The following NKAIN3 variants were observed in gnomAD, a reference collection of about 807,000 sequenced individuals.
NKAIN3 encodes the protein sodium/potassium transporting ATPase interacting 3, also known as sodium/potassium-transporting ATPase subunit beta-1-interacting protein 3.
Under a neutral mutation model 30.2 loss-of-function variants are expected in NKAIN3, and 25 were observed. The ratio of observed to expected loss-of-function variants is 0.83; its 90% CI spans 0.60 to 1.16. The LOEUF is 1.16. NKAIN3 is among the 50% of genes most tolerant of loss of function. The pLI is 0.00. For missense variants in NKAIN3, 225 were observed against 254.1 expected (o/e 0.89, Z 0.78); for synonymous variants, 91 against 89.6 (o/e 1.02, Z -0.09).
At chr8:62,928,632 G>A (rs763504384) in intron 5 of NKAIN3, among the ~76,000 whole-genome samples, 2 of 152,146 alleles carry the variant, frequency 1.3e-5, no homozygotes, top group Non-Finnish European at 2.9e-5. Flanking sequence ...TATTCTAGAC[G>A]AGGGTTCCAG....
intron 1 of NKAIN3, among the ~76,000 whole-genome samples, chr8:62,517,417 A>G (rs1808024261): frequency 1.3e-5 from 2 of 152,162 alleles, no homozygotes; most frequent in South Asian, 4.1e-4. Context: ...ATACAAGTGC[A>G]TGGAATCTTC....
Position 62,919,477 on chromosome 8 carries a change from C to A in NKAIN3, c.532+964C>A, listed in dbSNP as rs537478225. Reference sequence around the variant, plus strand: ...AGCCAGGATGGTCTCGATCTCCTGACCTCGTGATCCACCCGCCTCGGCCTC... The same window carrying A: ...AGCCAGGATGGTCTCGATCTCCTGAACTCGTGATCCACCCGCCTCGGCCTC... On this transcript the variant is annotated intron_variant, in intron 5 of 6. Transcript: ENST00000623646. Among the ~76,000 whole-genome samples the A allele has an allele frequency of 3.9e-5, 6 of 151,938 alleles. No individual in the cohort carries two copies. In the East Asian group the frequency reaches 1.2e-3, roughly 29 times the overall value.
intron 1 of NKAIN3, among the ~76,000 whole-genome samples, chr8:62,554,655 G>T (rs548810032): frequency 6.6e-6 from 1 of 152,006 alleles, no homozygotes; most frequent in Non-Finnish European, 1.5e-5. Flanking sequence ...AAGGCATCAG[G>T]CAAACAGAGA....
intron 1 of NKAIN3, among the ~76,000 whole-genome samples, chr8:62,354,760 G>A (rs1025271606): frequency 2.6e-5 from 4 of 152,034 alleles, no homozygotes; most frequent in Non-Finnish European, 4.4e-5. Context: ...TCTTATACAC[G>A]GAATGACAAT....
intron 1 of NKAIN3, among the ~76,000 whole-genome samples, chr8:62,345,496 C>CATATGTGT (rs796865483): frequency 1.7e-5 from 2 of 117,522 alleles, no homozygotes; most frequent in African/African-American, 8.0e-5. Flanking sequence ...TATATACACA[C>CATATGTGT]ATATATACAC....
intron 4 of NKAIN3, among the ~76,000 whole-genome samples, chr8:62,901,010 A>C (rs1045512006): frequency 2.6e-5 from 4 of 152,110 alleles, no homozygotes; most frequent in Non-Finnish European, 5.9e-5. Flanking sequence ...AATCCCTGCC[A>C]CCCAAGAACA....
intron 1 of NKAIN3, among the ~76,000 whole-genome samples, chr8:62,307,054 C>T (rs1464593377): frequency 6.7e-6 from 1 of 149,874 alleles, no homozygotes; most frequent in Non-Finnish European, 1.5e-5. Flanking sequence ...GAATGATTCA[C>T]TGCTGGAATG....
chr8:62,916,649 A>T (rs1822114105), intron 4 of NKAIN3, among the ~76,000 whole-genome samples: 1 of 152,076 alleles, frequency 6.6e-6, no homozygotes, highest in Non-Finnish European at 1.5e-5. Flanking sequence ...GCAAATTCTC[A>T]TCCACTTAAA....
intron 1 of NKAIN3, among the ~76,000 whole-genome samples, chr8:62,312,863 T>A (rs1814493884): frequency 6.6e-6 from 1 of 151,720 alleles, no homozygotes; most frequent in African/African-American, 2.4e-5. Flanking sequence ...TGGGAGATAT[T>A]CTGAGTTTAC....
chr8:62,806,177 G>A (rs1307634227), intron 4 of NKAIN3, among the ~76,000 whole-genome samples: 1 of 152,218 alleles, frequency 6.6e-6, no homozygotes, highest in Non-Finnish European at 1.5e-5. Flanking sequence ...AAGATGTGGA[G>A]AAATAGGAAC....
intron 1 of NKAIN3, among the ~76,000 whole-genome samples, chr8:62,287,282 G>A (rs148089611): frequency 1.5e-3 from 227 of 151,994 alleles, no homozygotes; most frequent in African/African-American, 4.9e-3. Flanking sequence ...TGACAGGTGC[G>A]TAAGGCAAAC....
chr8:62,574,760 C>A (rs1810056833), intron 1 of NKAIN3, among the ~76,000 whole-genome samples: 1 of 152,042 alleles, frequency 6.6e-6, no homozygotes, highest in African/African-American at 2.4e-5. Context: ...GAGATCATAT[C>A]TTATTGTAGT....
At chr8:62,959,669 A>G (rs1823516411) in intron 6 of NKAIN3, among the ~76,000 whole-genome samples, 1 of 152,156 alleles carries the variant, frequency 6.6e-6, no homozygotes, top group Admixed American at 6.5e-5. Flanking sequence ...GCTATGTCAA[A>G]TTCTGCATGC....
chr8:62,807,710 A>G (rs1269502610), intron 4 of NKAIN3, among the ~76,000 whole-genome samples: 2 of 149,562 alleles, frequency 1.3e-5, no homozygotes, highest in Non-Finnish European at 3.0e-5. Flanking sequence ...ATGCCACCAC[A>G]CTCAGCTAAT....
chr8:62,455,676 G>A lies in NKAIN3; in HGVS notation c.55-123863G>A, dbSNP rs117593803. ...TGTACCCCCTGAACCTACAATGAAC[G>A]TAGTTTCAATCTCACAGTGAACTAT... On this transcript the variant is annotated intron_variant, in intron 1 of 6. Transcript: ENST00000623646. Among the ~76,000 whole-genome samples the A allele has an allele frequency of 7.8e-3, 1,184 of 152,312 alleles. 19 individuals carry two copies. Among genetic ancestry groups the A allele is most frequent in the South Asian group, 0.052 (253 of 4,832 alleles).
chr8:62,877,254 C>G (rs769759966), intron 4 of NKAIN3, among the ~76,000 whole-genome samples: 1 of 152,146 alleles, frequency 6.6e-6, no homozygotes, highest in Non-Finnish European at 1.5e-5. Context: ...TACAAAATAC[C>G]CATTCAAAGT....
intron 4 of NKAIN3, among the ~76,000 whole-genome samples, chr8:62,761,509 T>C (rs866752099): frequency 5.9e-5 from 9 of 152,200 alleles, no homozygotes; most frequent in African/African-American, 2.2e-4. Flanking sequence ...AAGTGTTTAC[T>C]TAGTATATTG....
intron 1 of NKAIN3, among the ~76,000 whole-genome samples, chr8:62,316,546 G>A (rs1327826621): frequency 6.6e-6 from 1 of 151,508 alleles, no homozygotes; most frequent in Non-Finnish European, 1.5e-5. Context: ...TTTTGTCCTT[G>A]TGATAGTTTG....
At chr8:62,795,851 A>G (rs1431192907) in intron 4 of NKAIN3, among the ~76,000 whole-genome samples, 1 of 152,138 alleles carries the variant, frequency 6.6e-6, no homozygotes, top group Non-Finnish European at 1.5e-5. Flanking sequence ...TGAAATTACT[A>G]TGTATTAATC....
Sources: gnomAD v4.1 joint callset for allele counts (sites outside exome capture counted in the v4.1 genomes callset) on GRCh38, gnomAD v4.1.1 for gene constraint, MANE v1.5 for transcripts, NCBI Gene and HGNC (gene_info 2026-07-23, HGNC 2026-07-21) for gene names.